RNF217: variants seen among roughly 807,000 people sequenced by gnomAD.
The protein encoded by RNF217 is ring finger protein 217.
A neutral mutation model predicts 57.8 loss-of-function variants in RNF217; 31 were observed. The observed-to-expected ratio is 0.54, with a 90% CI of 0.40 to 0.72. The LOEUF (loss-of-function observed/expected upper bound fraction) is 0.72, where lower values mean the gene tolerates loss of function less well. Among genes scored for constraint, RNF217 ranks in the 30% least tolerant of loss-of-function variants. RNF217 has a pLI of 0.00. For missense variants in RNF217, 696 were observed against 708.3 expected, an observed-to-expected ratio of 0.98 and a Z score of 0.20; for synonymous variants, 313 against 294.0, an observed-to-expected ratio of 1.06 and a Z score of -0.66.
chr6:125,066,224 G>A (rs1055872857), intron 3 of RNF217, among the ~76,000 whole-genome samples: 2 of 152,080 alleles, frequency 1.3e-5, no homozygotes, highest in Non-Finnish European at 2.9e-5. Context: ...TCTTCACAAC[G>A]TTCTTAACCC....
chr6:125,032,788 G>A (rs530908171), intron 1 of RNF217, among the ~76,000 whole-genome samples: 40 of 152,216 alleles, frequency 2.6e-4, no homozygotes, highest in Admixed American at 1.9e-3. Flanking sequence ...AAGGGAGCAC[G>A]AACATTCAGA....
rs114902474 is a variant in RNF217 at position 125,053,730 on chromosome 6, G to A, written c.1117-4212G>A. Among the ~76,000 whole-genome samples, 1,061 of 152,024 alleles carry A rather than the reference G, an allele frequency of 7.0e-3. 11 individuals carry two copies. The highest frequency in any genetic ancestry group is 0.024 in the African/African-American group (980 of 41,484). On this transcript the variant is annotated intron_variant, in intron 2 of 5. Coordinates refer to ENST00000521654, the MANE Select transcript of RNF217 (RefSeq NM_001286398.3). ...TCATCTCAGTATAGCACAGATTTCT[G>A]GTAAAACTAAGGGTATTCAAAAGTC...
At chr6:124,981,781 G>A (rs1276488412) in intron 1 of RNF217, among the ~76,000 whole-genome samples, 1 of 151,828 alleles carries the variant, frequency 6.6e-6, no homozygotes, top group Non-Finnish European at 1.5e-5. Flanking sequence ...CACTTTGGGA[G>A]GCCGAGGCAG....
At chr6:124,977,905 C>T (rs1192583116) in intron 1 of RNF217, among the ~76,000 whole-genome samples, 4 of 152,094 alleles carry the variant, frequency 2.6e-5, no homozygotes, top group African/African-American at 9.7e-5. Context: ...CTAAGACTTT[C>T]CTTCTTTTTA....
rs1248798220 is a variant in RNF217 at position 125,089,886 on chromosome 6, A to G, written c.*6949A>G. ...ATCCCCATATATTTGTATTGTTTCA[A>G]GCCACTAGTATCTAAATTTTTGATA... On this transcript the variant is annotated 3_prime_UTR_variant, in exon 6 of 6. Coordinates refer to ENST00000521654, the MANE Select transcript of RNF217 (RefSeq NM_001286398.3). 2 of 152,150 alleles carry G rather than the reference A, an allele frequency of 1.3e-5. No homozygotes were observed. The highest frequency in any genetic ancestry group is 4.8e-5 in the African/African-American group (2 of 41,440). The allele number at this position is 152,150 out of a possible 1,614,324, so 9.4% of individuals were successfully genotyped here. A position where few individuals can be genotyped will look rare whatever the true frequency, so the allele number is the denominator to read the frequency against.
chr6:124,984,784 C>A (rs567911956), intron 1 of RNF217, among the ~76,000 whole-genome samples: 2 of 151,974 alleles, frequency 1.3e-5, no homozygotes, highest in South Asian at 4.2e-4. Context: ...TTCTTAGAAC[C>A]TGAGAAATAC....
intron 3 of RNF217, among the ~76,000 whole-genome samples, chr6:125,072,109 A>T (rs1788169824): frequency 6.6e-6 from 1 of 152,232 alleles, no homozygotes; most frequent in South Asian, 2.1e-4. Context: ...TGGGGAATTC[A>T]TCAGCATAAG....
At chr6:125,050,954 T>C (rs1291754548) in intron 2 of RNF217, among the ~76,000 whole-genome samples, 1 of 151,910 alleles carries the variant, frequency 6.6e-6, no homozygotes, top group Non-Finnish European at 1.5e-5. Flanking sequence ...GTAAACAAAG[T>C]GTGTGTTACA....
chr6:125,057,096 GC>G (rs1264300741), intron 2 of RNF217, among the ~76,000 whole-genome samples: 1 of 152,188 alleles, frequency 6.6e-6, no homozygotes, highest in Non-Finnish European at 1.5e-5. Context: ...TACGTTGGTA[GC>G]AAACCAGGAG....
intron 3 of RNF217, 117 bp downstream of exon 3, chr6:125,058,223 A>G (rs1256908608): frequency 2.4e-6 from 2 of 840,138 alleles, no homozygotes; most frequent in East Asian, 3.2e-5. Context: ...GAAAAAGAGT[A>G]TTGCTCTTTT....
chr6:125,069,804 T>C (rs1036616962), intron 3 of RNF217, among the ~76,000 whole-genome samples: 2 of 152,170 alleles, frequency 1.3e-5, no homozygotes, highest in South Asian at 2.1e-4. Flanking sequence ...CCAGCATCTG[T>C]TGTTTTTTGA....
chr6:125,008,852 T>A (rs189178451), intron 1 of RNF217: 1 of 155,178 alleles, frequency 6.4e-6, no homozygotes, highest in East Asian at 1.9e-4. Context: ...GTGGAGAGAT[T>A]TTCCTTATCA....
chr6:125,002,001 G>A (rs1272123914), intron 1 of RNF217, among the ~76,000 whole-genome samples: 1 of 152,148 alleles, frequency 6.6e-6, no homozygotes, highest in Non-Finnish European at 1.5e-5. Context: ...AGGTGCTGTT[G>A]TATTCTCCAT....
chr6:125,023,876 A>C (rs981986749), intron 1 of RNF217, among the ~76,000 whole-genome samples: 1 of 152,138 alleles, frequency 6.6e-6, no homozygotes, highest in African/African-American at 2.4e-5. Context: ...TAAAAAGTCA[A>C]ACTCATAGAA....
At chr6:125,013,644 A>G (rs1785503346) in intron 1 of RNF217, among the ~76,000 whole-genome samples, 1 of 152,132 alleles carries the variant, frequency 6.6e-6, no homozygotes, top group African/African-American at 2.4e-5. Flanking sequence ...TTCATGTTAA[A>G]TAGCACAGTA....
At chr6:125,011,383 A>G (rs1785409119) in intron 1 of RNF217, among the ~76,000 whole-genome samples, 1 of 152,090 alleles carries the variant, frequency 6.6e-6, no homozygotes, top group African/African-American at 2.4e-5. Context: ...CACCTGGAAA[A>G]TCAGAAACTG....
rs755758048 is a variant in RNF217 at position 124,963,088 on chromosome 6, C to A, written c.544C>A (p.Leu182Ile). ...DLPEAPASEQ[L>I]SPPASPPGAP... The stretch of plus-strand genomic sequence containing the variant: ...GCCCGAGGCCCCCGCCTCGGAGCAG[C>A]TCTCGCCGCCCGCGTCGCCACCTGG... The change falls in exon 1 of 6, where the codon CTC (leucine) becomes ATC (isoleucine). Residue 182 changes from leucine to isoleucine, a missense_variant. Around this residue, in one of 2 missense-constraint regions of RNF217, gnomAD observed 465 missense variants for 386.8 expected, o/e 1.20. Coordinates refer to ENST00000521654, the MANE Select transcript of RNF217 (RefSeq NM_001286398.3). 6 of 1,547,414 alleles carry A rather than the reference C, an allele frequency of 3.9e-6. No individual in the cohort carries two copies. The African/African-American group carries it at 8.2e-5, about 21-fold the overall frequency.
chr6:125,050,701 G>A (rs183101186), intron 2 of RNF217, among the ~76,000 whole-genome samples: 1 of 151,538 alleles, frequency 6.6e-6, no homozygotes, highest in South Asian at 2.1e-4. Flanking sequence ...TGAGTATGCT[G>A]CTTTGTTCTG....
intron 2 of RNF217, among the ~76,000 whole-genome samples, chr6:125,051,813 T>G (rs1429853534): frequency 6.6e-6 from 1 of 152,070 alleles, no homozygotes; most frequent in East Asian, 1.9e-4. Context: ...ACAGGACATC[T>G]TGTTCAAAAC....
Sources: gnomAD v4.1 joint callset for allele counts (sites outside exome capture counted in the v4.1 genomes callset) on GRCh38, gnomAD v4.1.1 for gene constraint, gnomAD v4.1.1 regional missense constraint, MANE v1.5 for transcripts, NCBI Gene and HGNC (gene_info 2026-07-23, HGNC 2026-07-21) for gene names.